CCDC170: variants seen among roughly 807,000 people sequenced by gnomAD.
The protein encoded by CCDC170 is coiled-coil domain-containing protein 170.
Under a neutral mutation model 72.6 loss-of-function variants are expected in CCDC170, and 69 were observed. That is an observed-to-expected ratio of 0.95 (90% confidence interval 0.78 to 1.16). The LOEUF is 1.16. Ranked by LOEUF, CCDC170 falls within the 50% of genes most tolerant of loss-of-function variation. The pLI, the probability that CCDC170 is intolerant of heterozygous loss-of-function variation, is 0.00. For synonymous variants in CCDC170, 300 were observed against 303.9 expected, an observed-to-expected ratio of 0.99 and a Z score of 0.13; for missense variants, 852 against 832.5, an observed-to-expected ratio of 1.02 and a Z score of -0.29.
At chr6:151,530,434 A>C (rs1030117353) in intron 1 of CCDC170, among the ~76,000 whole-genome samples, 13 of 149,782 alleles carry the variant, frequency 8.7e-5, no homozygotes, top group African/African-American at 3.2e-4. Flanking sequence ...AATAATGATA[A>C]TAATAATAAT....
chr6:151,503,238 CA>C (rs1344928117), intron 1 of CCDC170, among the ~76,000 whole-genome samples: 3 of 150,840 alleles, frequency 2.0e-5, no homozygotes, highest in Non-Finnish European at 4.4e-5. Context: ...AATAGACAAA[CA>C]AGGTAATTTT....
chr6:151,590,882 C>G (rs76736819), intron 7 of CCDC170, among the ~76,000 whole-genome samples: 1 of 152,086 alleles, frequency 6.6e-6, no homozygotes, highest in Non-Finnish European at 1.5e-5. Flanking sequence ...ATGTAAAATA[C>G]AAGCAATAGC....
At chr6:151,565,571 G>T (rs1776122339) in intron 5 of CCDC170, among the ~76,000 whole-genome samples, 1 of 152,106 alleles carries the variant, frequency 6.6e-6, no homozygotes, top group South Asian at 2.1e-4. Flanking sequence ...CCAATGTTCT[G>T]TCTTTGCTGA....
intron 6 of CCDC170, among the ~76,000 whole-genome samples, chr6:151,574,184 G>T (rs1476954129): frequency 6.6e-6 from 1 of 152,198 alleles, no homozygotes; most frequent in Non-Finnish European, 1.5e-5. Flanking sequence ...CTGCTCTCCA[G>T]CCTGGGCTAC....
intron 9 of CCDC170, among the ~76,000 whole-genome samples, chr6:151,614,346 T>C (rs984189273): frequency 2.0e-5 from 3 of 152,210 alleles, no homozygotes; most frequent in African/African-American, 7.2e-5. Context: ...TTCTACGTAC[T>C]TCATATAAGT....
At chr6:151,519,791 C>A (rs938704866) in intron 1 of CCDC170, among the ~76,000 whole-genome samples, 1 of 152,092 alleles carries the variant, frequency 6.6e-6, no homozygotes, top group African/African-American at 2.4e-5. Context: ...AGGGTAATAA[C>A]CTGAAGTTGC....
chr6:151,598,349 TG>T (rs1776655132), intron 9 of CCDC170, among the ~76,000 whole-genome samples: 1 of 152,176 alleles, frequency 6.6e-6, no homozygotes, highest in African/African-American at 2.4e-5. Flanking sequence ...CCCTGGAGCC[TG>T]GAGTTCCATT....
intron 6 of CCDC170, among the ~76,000 whole-genome samples, chr6:151,584,610 C>G (rs1035343615): frequency 2.0e-5 from 3 of 151,934 alleles, no homozygotes; most frequent in Non-Finnish European, 4.4e-5. Flanking sequence ...TGTTTTTTGC[C>G]TGTTTATACT....
At chr6:151,532,359 C>A (rs948719675) in intron 1 of CCDC170, among the ~76,000 whole-genome samples, 1 of 152,134 alleles carries the variant, frequency 6.6e-6, no homozygotes, top group Non-Finnish European at 1.5e-5. Flanking sequence ...GTAATCACAG[C>A]ACTTTGGGAG....
At chr6:151,515,624 C>T (rs1198502574) in intron 1 of CCDC170, among the ~76,000 whole-genome samples, 1 of 152,174 alleles carries the variant, frequency 6.6e-6, no homozygotes, top group Admixed American at 6.6e-5. Context: ...CTCCAGGTAG[C>T]AGGCTTCAGA....
In CCDC170 at chr6:151,549,567, A is replaced by C. The variant is rs141673520; in HGVS notation, c.774+1078A>C. On this transcript the variant is annotated intron_variant, in intron 5 of 10. Coordinates refer to ENST00000239374, the MANE Select transcript of CCDC170 (RefSeq NM_025059.4). Reference sequence around the variant, plus strand: ...CAGCCACCCAGTTCTCTTCAGAGGCAACCTTTCTGTTAACAATTTCTTTCT... The same window carrying C: ...CAGCCACCCAGTTCTCTTCAGAGGCCACCTTTCTGTTAACAATTTCTTTCT... 7.2e-3 allele frequency among the ~76,000 whole-genome samples: 1,094 copies of C among 152,198 alleles called. 10 individuals are homozygous for C. Among genetic ancestry groups the C allele is most frequent in the African/African-American group, 0.025 (1,029 of 41,532 alleles).
At chr6:151,590,653 C>T (rs77110159) in intron 7 of CCDC170, among the ~76,000 whole-genome samples, 4 of 152,108 alleles carry the variant, frequency 2.6e-5, no homozygotes, top group African/African-American at 9.7e-5. Flanking sequence ...ATACAGTAAT[C>T]CTTCATTTCT....
At chr6:151,554,882 T>TG (rs1358893474) in intron 5 of CCDC170, among the ~76,000 whole-genome samples, 2 of 139,994 alleles carry the variant, frequency 1.4e-5, no homozygotes, top group Non-Finnish European at 3.1e-5. Context: ...GTTTTTTTTT[T>TG]TTTTTTTTTT....
chr6:151,587,805 CA>C (rs1481660953), intron 7 of CCDC170, among the ~76,000 whole-genome samples: 2 of 152,038 alleles, frequency 1.3e-5, no homozygotes, highest in Non-Finnish European at 2.9e-5. Context: ...ATGATGGAGA[CA>C]GGTATAAAAT....
intron 1 of CCDC170, among the ~76,000 whole-genome samples, chr6:151,521,880 G>C (rs964286325): frequency 6.6e-6 from 1 of 151,792 alleles, no homozygotes; most frequent in Non-Finnish European, 1.5e-5. Flanking sequence ...CAGCTACTCA[G>C]GAGGCTGAGG....
chr6:151,558,771 A>G (rs1443807909), intron 5 of CCDC170, among the ~76,000 whole-genome samples: 2 of 152,080 alleles, frequency 1.3e-5, no homozygotes, highest in Non-Finnish European at 2.9e-5. Context: ...TTTCATACCA[A>G]TACCCTGCTG....
rs532058332 is a variant in CCDC170, at chr6:151,497,735, G to A, written c.57+3550G>A. Among the ~76,000 whole-genome samples, 6 of 152,156 alleles carry A rather than the reference G, an allele frequency of 3.9e-5. No individual in the cohort carries two copies. In the East Asian group the frequency reaches 1.2e-3, roughly 29 times the overall value. On this transcript the variant is annotated intron_variant, in intron 1 of 10. Transcript: ENST00000239374. The stretch of plus-strand genomic sequence containing the variant: ...TCATGCTTGTAATCCCAGCACTTTG[G>A]GAGGCTGAGGCGGGAGGCTCACTTG...
rs1777046100 is a variant in CCDC170, at chr6:151,620,596, G to A, written c.*2449G>A. 1 of 152,194 alleles carries A rather than the reference G, an allele frequency of 6.6e-6. No individual in the cohort carries two copies. Among genetic ancestry groups the A allele is most frequent in the African/African-American group, 2.4e-5 (1 of 41,448 alleles). 9.4% of individuals were successfully genotyped at this position (152,194 alleles called of 1,614,324 possible). On this transcript the variant is annotated 3_prime_UTR_variant, in exon 11 of 11. Transcript: ENST00000239374. Reference sequence around the variant, plus strand: ...CACTGGGTCTCTGGAGGCTCTCGGAGCTTGAGTGGCTCTGCCCCACCCTGA... The same window carrying A: ...CACTGGGTCTCTGGAGGCTCTCGGAACTTGAGTGGCTCTGCCCCACCCTGA...
Position 151,618,198 on chromosome 6 carries a change from A to AG in CCDC170, c.*51_*52insG. On this transcript the variant is annotated 3_prime_UTR_variant, in exon 11 of 11. Coordinates refer to ENST00000239374, the MANE Select transcript of CCDC170 (RefSeq NM_025059.4). ...CCATAAGACATGGCACACAATTCCC[A>AG]ATTTCACAAATTCCTCATGTCTTTG... The AG allele has an allele frequency of 6.9e-7, 1 of 1,445,622 alleles. No individual in the cohort carries two copies. The highest frequency in any genetic ancestry group is 1.2e-5 in the South Asian group (1 of 84,258). 89.5% of individuals were successfully genotyped at this position (1,445,622 alleles called of 1,614,324 possible). A position where few individuals can be genotyped will look rare whatever the true frequency, so the allele number is the denominator to read the frequency against.
Sources: gnomAD v4.1 joint callset for allele counts (sites outside exome capture counted in the v4.1 genomes callset) on GRCh38, gnomAD v4.1.1 for gene constraint, MANE v1.5 for transcripts, NCBI Gene and HGNC (gene_info 2026-07-23, HGNC 2026-07-21) for gene names.